ZNF7: variants seen among roughly 807,000 people sequenced by gnomAD.
ZNF7 encodes zinc finger protein 7.
A neutral mutation model predicts 12.0 loss-of-function variants in ZNF7; 10 were observed. The ratio of observed to expected loss-of-function variants is 0.83; its 90% CI spans 0.51 to 1.42. The LOEUF (loss-of-function observed/expected upper bound fraction) is 1.42. Ranked by LOEUF, ZNF7 falls within the 40% of genes most tolerant of loss-of-function variation. ZNF7 has a pLI of 0.00. For missense variants in ZNF7, 854 were observed against 837.2 expected, an observed-to-expected ratio of 1.02 and a Z score of -0.25; for synonymous variants, 334 against 295.0, an observed-to-expected ratio of 1.13 and a Z score of -1.35.
In ZNF7 at chr8:144,841,593, C is replaced by A; in HGVS notation, c.486C>A (p.Thr162=). The change falls in exon 5 of 5, where the codon ACC becomes ACA. Residue 162 remains threonine, a synonymous_variant. Transcript: ENST00000532777. The part of the protein sequence containing the change: ...CLNEETVVPK[T]FTKDAPQGCK... ...ATGAGGAGACTGTGGTTCCCAAGAC[C>A]TTCACCAAGGACGCACCCCAGGGAT... is the stretch of plus-strand genomic sequence containing the variant. 2 of 1,614,162 alleles carry A rather than the reference C, an allele frequency of 1.2e-6. No homozygotes were observed. Among genetic ancestry groups the A allele is most frequent in the Non-Finnish European group, 1.7e-6 (2 of 1,180,034 alleles).
In ZNF7 at chr8:144,842,231, C is replaced by G. The variant is rs983429838; in HGVS notation, c.1124C>G (p.Ser375Cys). Reference sequence around the variant, plus strand: ...TGTGGGAAGGCCTTCAGCCAGAGCTCCACCCTAGCCCAGCATCAAAGGATG... The same window carrying G: ...TGTGGGAAGGCCTTCAGCCAGAGCTGCACCCTAGCCCAGCATCAAAGGATG... ...KECGKAFSQS[S>C]TLAQHQRMHT... Residue 375 changes from serine to cysteine, a missense_variant, in exon 5 of 5, where the codon TCC becomes TGC. Coordinates refer to ENST00000532777, the MANE Select transcript of ZNF7 (RefSeq NM_003416.4). 2.5e-6 allele frequency: 4 copies of G among 1,614,108 alleles called. No homozygotes were observed. The highest frequency in any genetic ancestry group is 3.4e-6 in the Non-Finnish European group (4 of 1,180,034).
Position 144,837,424 on chromosome 8 carries a change from C to T in ZNF7, c.164C>T (p.Ser55Phe), listed in dbSNP as rs199519689. Reference protein sequence around the residue: ...GFLVFKPELISRLEQGEEPWV... With the variant: ...GFLVFKPELIFRLEQGEEPWV... ...CTGGTTTTCAAGCCTGAGCTGATCT[C>T]TCGGCTGGAGCAGGGAGAAGAGCCA... Residue 55 changes from serine to phenylalanine, a missense_variant, in exon 4 of 5, where the codon TCT becomes TTT. Transcript: ENST00000532777. 6.2e-7 allele frequency: 1 copy of T among 1,613,054 alleles called. No individual in the cohort carries two copies. Among genetic ancestry groups the T allele is most frequent in the South Asian group, 1.1e-5 (1 of 91,036 alleles).
Position 144,842,562 on chromosome 8 carries a change from T to G in ZNF7, c.1455T>G (p.Ile485Met). Reference protein sequence around the residue: ...GKGFVQGSHLIQHQRIHTGEK... With the variant: ...GKGFVQGSHLMQHQRIHTGEK... The stretch of plus-strand genomic sequence containing the variant: ...GCTTTGTTCAGGGCTCACACCTTAT[T>G]CAGCATCAGCGAATCCACACTGGAG... Residue 485 changes from isoleucine to methionine, a missense_variant, in exon 5 of 5, where the codon ATT (isoleucine) becomes ATG (methionine). By Grantham distance (10) the Ile-to-Met change is conservative. Transcript: ENST00000532777. 1 of 1,614,132 alleles carries G rather than the reference T, an allele frequency of 6.2e-7. No individual in the cohort carries two copies. Among genetic ancestry groups the G allele is most frequent in the Non-Finnish European group, 8.5e-7 (1 of 1,180,014 alleles).
chr8:144,830,996 T>C (rs1202071508), intron 3 of ZNF7: 1 of 456,350 alleles, frequency 2.2e-6, no homozygotes. Context: ...TGGCAACCTG[T>C]GGGCCTGGCC....
chr8:144,845,167 TTCA>T (rs1244207895), downstream of ZNF7, among the ~76,000 whole-genome samples: 3 of 152,170 alleles, frequency 2.0e-5, no homozygotes, highest in African/African-American at 7.2e-5. Context: ...GGTCTGAGAT[TTCA>T]TTCTTTGTAG....
intron 3 of ZNF7, among the ~76,000 whole-genome samples, chr8:144,831,512 G>A (rs999546865): frequency 1.9e-4 from 29 of 152,176 alleles, no homozygotes; most frequent in Admixed American, 6.5e-4. Flanking sequence ...GGCCGGGCGC[G>A]GTGGCTCATA....
At chr8:144,838,200 C>T (rs755613782) in intron 4 of ZNF7, 34 of 698,444 alleles carry the variant, frequency 4.9e-5, no homozygotes, top group South Asian at 1.2e-4. Flanking sequence ...CTTCTCCCTG[C>T]GTGTCTGTGT....
In ZNF7 at chr8:144,837,091, C is replaced by T. The variant is rs1586809802; in HGVS notation, c.131-300C>T. The T allele has an allele frequency of 1.2e-5, 3 of 241,522 alleles. No homozygotes were observed. In the East Asian group the frequency reaches 2.3e-4, roughly 18 times the overall value. The allele number at this position is 241,522 out of a possible 1,614,324, so 15.0% of individuals were successfully genotyped here. A position where few individuals can be genotyped will look rare whatever the true frequency, so the allele number is the denominator to read the frequency against. On this transcript the variant is annotated intron_variant, in intron 3 of 4. Coordinates refer to ENST00000532777, the MANE Select transcript of ZNF7 (RefSeq NM_003416.4). ...GAAGCTTGGGCTTCTCCTTCTCTTTCCCGAGTTCCAGGGGTAGAGGCGGAC... is the reference window on the plus strand; with the variant it reads ...GAAGCTTGGGCTTCTCCTTCTCTTTTCCGAGTTCCAGGGGTAGAGGCGGAC...
rs141921168 is a variant in ZNF7, at chr8:144,839,858, C to T, written c.248-1497C>T. Among the ~76,000 whole-genome samples, 469 of 152,338 alleles carry T rather than the reference C, an allele frequency of 3.1e-3. 1 individual carries two copies. The highest frequency in any genetic ancestry group is 5.6e-3 in the Non-Finnish European group (381 of 68,030). ...GCACCCCCACGCTTTTGACCACCACCGTGCCCCCTGCTGGGTGGTTCCTGG... is the reference window on the plus strand; with the variant it reads ...GCACCCCCACGCTTTTGACCACCACTGTGCCCCCTGCTGGGTGGTTCCTGG... On this transcript the variant is annotated intron_variant, in intron 4 of 4. Transcript: ENST00000532777.
At chr8:144,830,132 G>T (rs988595008) in intron 3 of ZNF7, among the ~76,000 whole-genome samples, 2 of 152,130 alleles carry the variant, frequency 1.3e-5, no homozygotes, top group African/African-American at 4.8e-5. Flanking sequence ...GGTGAGGGGG[G>T]GTGCGTCTTA....
At chr8:144,837,789 AT>A (rs980075021) in intron 4 of ZNF7, among the ~76,000 whole-genome samples, 3 of 152,090 alleles carry the variant, frequency 2.0e-5, no homozygotes, top group African/African-American at 7.2e-5. Context: ...TCTATTTTTA[AT>A]TTTACTCATA....
At position 144,835,148 on chromosome 8, in the gene ZNF7, C is replaced by A. The variant is rs567642841; in HGVS notation, c.131-2243C>A. 3 of 151,828 alleles carry A rather than the reference C, an allele frequency of 2.0e-5. No individual in the cohort carries two copies. The South Asian group carries it at 6.2e-4, about 32-fold the overall frequency. The allele number at this position is 151,828 out of a possible 1,614,324, so 9.4% of individuals were successfully genotyped here. A position where few individuals can be genotyped will look rare whatever the true frequency, so the allele number is the denominator to read the frequency against. On this transcript the variant is annotated intron_variant, in intron 3 of 4. Transcript: ENST00000532777. ...GAGCTAATCTGTAAAACCATCGGGA[C>A]CTTGAGCTTTTGGGGAAGGAAAGTC...
rs1156357346 is a variant in ZNF7 at position 144,829,614 on chromosome 8, C to T, written c.130+10C>T. On this transcript the variant is annotated intron_variant, in intron 3 of 4. Transcript: ENST00000532777. The stretch of plus-strand genomic sequence containing the variant: ...AGTGTGGCTGGACTAGGTGAGGCTG[C>T]ACCTTGGGGCCCCTTCCCCTGCATC... 3.8e-6 allele frequency: 6 copies of T among 1,597,960 alleles called. No individual in the cohort carries two copies. In the South Asian group the frequency reaches 4.4e-5, roughly 12 times the overall value.
Position 144,842,062 on chromosome 8 carries a change from T to C in ZNF7, c.955T>C (p.Ser319Pro). The change falls in exon 5 of 5, where the codon TCA becomes CCA. Residue 319 changes from serine (S) to proline (P), a missense_variant. Ser to Pro is a moderately conservative substitution (Grantham distance 74, BLOSUM62 -1). Coordinates refer to ENST00000532777, the MANE Select transcript of ZNF7 (RefSeq NM_003416.4). ...EECGKAFGQS[S>P]SLIHHQRIHT... Reference sequence around the variant, plus strand: ...ATGTGGAAAAGCTTTTGGTCAGAGCTCAAGCCTCATCCACCATCAGAGAAT... The same window carrying C: ...ATGTGGAAAAGCTTTTGGTCAGAGCCCAAGCCTCATCCACCATCAGAGAAT... 1 of 1,614,078 alleles carries C rather than the reference T, an allele frequency of 6.2e-7. No individual in the cohort carries two copies. The highest frequency in any genetic ancestry group is 1.1e-5 in the South Asian group (1 of 91,088).
chr8:144,841,933 A>G lies in ZNF7; in HGVS notation c.826A>G (p.Lys276Glu). 1 of 1,614,160 alleles carries G rather than the reference A, an allele frequency of 6.2e-7. No individual in the cohort carries two copies. Among genetic ancestry groups the G allele is most frequent in the Non-Finnish European group, 8.5e-7 (1 of 1,180,038 alleles). ...GCATCAGAGAATCCACACGGGAGAGAAACCCTTTAAATGCACTGAGTGTGG... is the reference window on the plus strand; with the variant it reads ...GCATCAGAGAATCCACACGGGAGAGGAACCCTTTAAATGCACTGAGTGTGG... ...NQHQRIHTGE[K>E]PFKCTECGKA... The change falls in exon 5 of 5, where the codon AAA becomes GAA. Residue 276 changes from lysine (K) to glutamate (E), a missense_variant. Transcript: ENST00000532777.
At position 144,841,977 on chromosome 8, in the gene ZNF7, C is replaced by T. The variant is rs761844142; in HGVS notation, c.870C>T (p.Ser290=). 6.8e-6 allele frequency: 11 copies of T among 1,614,126 alleles called. 1 individual carries two copies. In the South Asian group the frequency reaches 7.7e-5, roughly 11 times the overall value. ...CTECGKAFRL[S]SKLIQHQRIH... ...AGTGTGGAAAAGCCTTCCGCCTGAG[C>T]TCAAAACTTATTCAGCATCAAAGAA... Residue 290 remains serine, a synonymous_variant, in exon 5 of 5, where the codon AGC becomes AGT. Coordinates refer to ENST00000532777, the MANE Select transcript of ZNF7 (RefSeq NM_003416.4).
chr8:144,843,218 C>T lies in ZNF7; in HGVS notation c.*50C>T, dbSNP rs751222248. 1.3e-6 allele frequency: 2 copies of T among 1,499,204 alleles called. No individual in the cohort carries two copies. Among genetic ancestry groups the T allele is most frequent in the African/African-American group, 2.8e-5 (2 of 70,506 alleles). The allele number at this position is 1,499,204 out of a possible 1,614,324, so 92.9% of individuals were successfully genotyped here. On this transcript the variant is annotated 3_prime_UTR_variant, in exon 5 of 5. Coordinates refer to ENST00000532777, the MANE Select transcript of ZNF7 (RefSeq NM_003416.4). ...TATGTGAATAAACCTATAGCCTTAACTTACTTATTTTATATGGAATCGTTT... is the reference window on the plus strand; with the variant it reads ...TATGTGAATAAACCTATAGCCTTAATTTACTTATTTTATATGGAATCGTTT...
rs760131128 is a variant in ZNF7 at position 144,829,139 on chromosome 8, ACCT to A, written c.3+53_3+55del. 5.0e-6 allele frequency: 8 copies of A among 1,611,808 alleles called. No individual in the cohort carries two copies. In the East Asian group the frequency reaches 1.8e-4, roughly 36 times the overall value. ...CCCCTCGCATGTCCTGTGAAGGCCC[ACCT>A]CCTGCTCTGCCCACTGGCCCTGGGC... is the stretch of plus-strand genomic sequence containing the variant. On this transcript the variant is annotated intron_variant, in intron 2 of 4. Transcript: ENST00000532777.
At chr8:144,828,908 C>A in intron 1 of ZNF7, 135 bp from the exon 2 acceptor site, 2 of 1,156,038 alleles carry the variant, frequency 1.7e-6, no homozygotes, top group Non-Finnish European at 1.2e-6. Flanking sequence ...ATGGCTGCTT[C>A]AGCCCAGCCC....
Sources: gnomAD v4.1 joint callset for allele counts (sites outside exome capture counted in the v4.1 genomes callset) on GRCh38, gnomAD v4.1.1 for gene constraint, MANE v1.5 for transcripts, NCBI Gene and HGNC (gene_info 2026-07-23, HGNC 2026-07-21) for gene names.